FAM9C: variants seen among roughly 807,000 people sequenced by gnomAD.
FAM9C encodes the protein protein FAM9C.
A neutral mutation model predicts 14.8 loss-of-function variants in FAM9C; 15 were observed. That is an observed-to-expected ratio of 1.02 (90% CI 0.68 to 1.56). FAM9C has a LOEUF of 1.56. FAM9C is among the 40% of genes most tolerant of loss of function. FAM9C has a pLI of 0.00. For synonymous variants in FAM9C, 45 were observed against 37.5 expected (o/e 1.20, Z -0.74); for missense variants, 116 against 118.0 (o/e 0.98, Z 0.08).
Position 13,040,836 on chromosome X carries a change from C to T in FAM9C, c.251G>A (p.Arg84Lys). 8.4e-7 allele frequency: 1 copy of T among 1,187,313 alleles called. No individual in the cohort carries two copies. Among genetic ancestry groups the T allele is most frequent in the Admixed American group, 2.3e-5 (1 of 42,757 alleles). The change falls in exon 5 of 8, where the codon AGG becomes AAG. Residue 84 changes from arginine to lysine, a missense_variant. Arg to Lys is a conservative substitution (Grantham distance 26, BLOSUM62 2). Transcript: ENST00000380625. ...GCAAGCTTTTGCAATCTTTTCAATC[C>T]TTTTTCTCTTTGCAGCAAGATGCTC... is the stretch of plus-strand genomic sequence containing the variant. ...IKEHLAAKRK[R>K]IEKIAKACSE...
In FAM9C at chrX:13,040,281, C is replaced by T. The variant is rs2043514666; in HGVS notation, c.330-365G>A. On this transcript the variant is annotated intron_variant, in intron 5 of 7. Coordinates refer to ENST00000380625, the MANE Select transcript of FAM9C (RefSeq NM_174901.6). ...GCAAGAATATCATAGCCATTCATCC[C>T]GTAAGATTTCCCGAAAGAAATACTT... 6.7e-6 allele frequency: 5 copies of T among 750,571 alleles called. No individual in the cohort carries two copies. In the South Asian group the frequency reaches 2.7e-4, roughly 41 times the overall value. 61.9% of individuals were successfully genotyped at this position (750,571 alleles called of 1,213,427 possible).
At chrX:13,040,544 A>G (rs1444217047) in intron 5 of FAM9C, 3 of 286,873 alleles carry the variant, frequency 1.0e-5, no homozygotes, top group African/African-American at 8.4e-5. Context: ...AGGCAAAAAG[A>G]GGTCATCTTC....
rs1361671756 is a variant in FAM9C, at chrX:13,040,826, C to T, written c.261G>A (p.Lys87=). ...HLAAKRKRIE[K]IAKACSEIKN... The stretch of plus-strand genomic sequence containing the variant: ...TTATTTCGCTGCAAGCTTTTGCAAT[C>T]TTTTCAATCCTTTTTCTCTTTGCAG... Residue 87 remains lysine (K), a synonymous_variant, in exon 5 of 8, where the codon AAG becomes AAA. Coordinates refer to ENST00000380625, the MANE Select transcript of FAM9C (RefSeq NM_174901.6). 1 of 1,191,927 alleles carries T rather than the reference C, an allele frequency of 8.4e-7. No individual in the cohort carries two copies. Among genetic ancestry groups the T allele is most frequent in the Admixed American group, 2.3e-5 (1 of 43,299 alleles).
chrX:13,044,320 G>GGCCC (rs1555915122), intron 1 of FAM9C, among the ~76,000 whole-genome samples: 2 of 52,472 alleles, frequency 3.8e-5, no homozygotes, highest in African/African-American at 1.3e-4. Context: ...TTGACCCCCC[G>GGCCC]ACCCCCCCCC....
intron 4 of FAM9C, chrX:13,042,405 T>C (rs1357434392): frequency 8.7e-6 from 1 of 115,274 alleles, no homozygotes; most frequent in African/African-American, 3.3e-5. Context: ...AACACACACC[T>C]GGGCCTACTT....
Position 13,040,008 on chromosome X carries a change from C to T in FAM9C, c.330-92G>A, listed in dbSNP as rs5979798. 9,961 of 748,609 alleles carry T rather than the reference C, an allele frequency of 0.013. 691 individuals are homozygous for T. The African/African-American group carries it at 0.19, about 14-fold the overall frequency. 61.7% of individuals were successfully genotyped at this position (748,609 alleles called of 1,213,427 possible). On this transcript the variant is annotated intron_variant, in intron 5 of 7. Transcript: ENST00000380625. The stretch of plus-strand genomic sequence containing the variant: ...CAAAACTGACTTGACATAGTTTGTA[C>T]TATAAAGTAGCAAGGGAGTAATAGC...
chrX:13,042,035 G>A (rs1392420373), intron 4 of FAM9C: 11 of 112,467 alleles, frequency 9.8e-5, no homozygotes, highest in African/African-American at 3.2e-4. Context: ...TAGAAGAGCT[G>A]AAAACTAAAG....
At chrX:13,044,176 C>T (rs2043554566) in intron 1 of FAM9C, among the ~76,000 whole-genome samples, 1 of 112,181 alleles carries the variant, frequency 8.9e-6, no homozygotes, top group South Asian at 3.7e-4. Flanking sequence ...CAGCCATCTC[C>T]ATGGGAATGA....
intron 4 of FAM9C, chrX:13,041,390 G>C (rs1469991355): frequency 9.0e-6 from 1 of 111,132 alleles, no homozygotes; most frequent in Non-Finnish European, 1.9e-5. Context: ...AGCCAGGATG[G>C]TCTTGATCTC....
intron 7 of FAM9C, chrX:13,038,190 C>A: frequency 7.3e-6 from 2 of 273,022 alleles, no homozygotes; most frequent in Non-Finnish European, 1.3e-5. Context: ...CTAAATAACT[C>A]CTACAAAACT....
At chrX:13,043,460 A>G (rs762507964) in intron 2 of FAM9C, among the ~76,000 whole-genome samples, 15 of 112,503 alleles carry the variant, frequency 1.3e-4, no homozygotes, top group Non-Finnish European at 2.4e-4. Flanking sequence ...CAACGTTCAC[A>G]GGTCAGATCC....
intron 4 of FAM9C, chrX:13,042,258 A>C (rs986836510): frequency 1.5e-4 from 17 of 112,260 alleles, no homozygotes; most frequent in Non-Finnish European, 3.2e-4. Context: ...TAATAATAGA[A>C]AATCATCATT....
Position 13,038,994 on chromosome X carries a change from T to G in FAM9C, c.439-491A>C, listed in dbSNP as rs977956709. 5.4e-5 allele frequency among the ~76,000 whole-genome samples: 6 copies of G among 111,183 alleles called. No homozygotes were observed. In the Admixed American group the frequency reaches 5.7e-4, roughly 11 times the overall value. Reference sequence around the variant, plus strand: ...TGGCACTCACAGTCATCCCCTAAATTTTGTCATTCCCAGTGACTGCAGTAT... The same window carrying G: ...TGGCACTCACAGTCATCCCCTAAATGTTGTCATTCCCAGTGACTGCAGTAT... On this transcript the variant is annotated intron_variant, in intron 6 of 7. Transcript: ENST00000380625.
intron 6 of FAM9C, 24 bp downstream of exon 6, chrX:13,039,784 C>T (rs1285786029): frequency 8.4e-7 from 1 of 1,183,502 alleles, no homozygotes; most frequent in Admixed American, 2.5e-5. Context: ...ATAGGTTAAT[C>T]ATAAAGCTAA....
Position 13,038,501 on chromosome X carries a change from T to G in FAM9C, c.441A>C (p.Lys147Asn), listed in dbSNP as rs1260145833. The G allele has an allele frequency of 8.3e-7, 1 of 1,204,684 alleles. No homozygotes were observed. Among genetic ancestry groups the G allele is most frequent in the Non-Finnish European group, 1.1e-6 (1 of 892,506 alleles). Residue 147 changes from lysine (K) to asparagine (N), a missense_variant and splice_region_variant, in exon 7 of 8, where the codon AAA becomes AAC. By Grantham distance (94) the Lys-to-Asn change is moderately conservative (BLOSUM62 0). Transcript: ENST00000380625. ...ACCTCTTTTGTTGCTCTTGAAATAT[T>G]TTCTAGAGGCACAAAACAAAAAAGT... is the stretch of plus-strand genomic sequence containing the variant. ...EGDGEKEEQI[K>N]IFQEQQKRWQ...
chrX:13,040,775 T>C lies in FAM9C; in HGVS notation c.312A>G (p.Arg104=), dbSNP rs1483417970. ...EIKNRIKNVL[R]TTQLKRQKRD... ...AATCATACCTTTTTAGTTGTGTTGT[T>C]CTCAAAACATTTTTAATTCTGTTCT... The change falls in exon 5 of 8, where the codon AGA becomes AGG. Residue 104 remains arginine, a synonymous_variant. Transcript: ENST00000380625. 1 of 1,179,327 alleles carries C rather than the reference T, an allele frequency of 8.5e-7. No homozygotes were observed.
At chrX:13,042,621 A>T in intron 4 of FAM9C, 1 of 352,032 alleles carries the variant, frequency 2.8e-6, no homozygotes, top group East Asian at 5.0e-5. Flanking sequence ...ACTGAAAGGA[A>T]CGAATAGAGC....
intron 1 of FAM9C, among the ~76,000 whole-genome samples, chrX:13,044,230 C>T (rs1173901432): frequency 9.0e-6 from 1 of 111,648 alleles, no homozygotes; most frequent in African/African-American, 3.3e-5. Flanking sequence ...ACTGCCCATT[C>T]GCCAGCCTGG....
At chrX:13,041,730 C>A (rs1432458808) in intron 4 of FAM9C, 1 of 112,313 alleles carries the variant, frequency 8.9e-6, no homozygotes, top group Non-Finnish European at 1.9e-5. Context: ...ACATTCAAAA[C>A]ACATTTGAAA....
Sources: gnomAD v4.1 joint callset for allele counts (sites outside exome capture counted in the v4.1 genomes callset) on GRCh38, gnomAD v4.1.1 for gene constraint, MANE v1.5 for transcripts, NCBI Gene and HGNC (gene_info 2026-07-23, HGNC 2026-07-21) for gene names.